The following CLIC5 variants were observed in gnomAD, a reference collection of about 807,000 sequenced individuals.
CLIC5 encodes the protein CLIC family member 5, also known as chloride intracellular channel protein 5.
CLIC5 carries 20 observed loss-of-function variants against 24.7 expected under a neutral mutation model. That is an observed-to-expected ratio of 0.81 (90% confidence interval 0.57 to 1.18). The LOEUF is 1.18. Among genes scored for constraint, CLIC5 ranks in the 50% most tolerant of loss-of-function variants. The pLI is 0.00. For synonymous variants in CLIC5, 159 were observed against 135.6 expected (o/e 1.17, Z -1.20); for missense variants, 341 against 326.1 (o/e 1.05, Z -0.35).
intron 1 of CLIC5, among the ~76,000 whole-genome samples, chr6:46,070,526 A>G (rs1173109814): frequency 6.6e-6 from 1 of 152,080 alleles, no homozygotes; most frequent in East Asian, 1.9e-4. Context: ...ACAGGTGAAA[A>G]ATCTTTACAA....
At chr6:45,963,307 G>A (rs990635999) in intron 1 of CLIC5, among the ~76,000 whole-genome samples, 8 of 152,186 alleles carry the variant, frequency 5.3e-5, no homozygotes, top group African/African-American at 1.4e-4. Flanking sequence ...TAGGTGGGAG[G>A]AGCCAGCTTA....
chr6:45,941,461 T>G, intron 4 of CLIC5, 86 bp downstream of exon 4: 1 of 1,033,476 alleles, frequency 9.7e-7, no homozygotes, highest in Non-Finnish European at 1.5e-6. Flanking sequence ...GGCCCAAGTA[T>G]TTGACATGCC....
At chr6:45,986,632 G>T (rs115177146) in intron 1 of CLIC5, among the ~76,000 whole-genome samples, 2 of 152,124 alleles carry the variant, frequency 1.3e-5, no homozygotes, top group Non-Finnish European at 2.9e-5. Flanking sequence ...ACATGATTTA[G>T]TTGACATAAC....
At chr6:46,050,472 C>T (rs1265596137) in intron 1 of CLIC5, among the ~76,000 whole-genome samples, 1 of 152,218 alleles carries the variant, frequency 6.6e-6, no homozygotes, top group Non-Finnish European at 1.5e-5. Context: ...ATTATTACTG[C>T]TACTAATGGG....
intron 5 of CLIC5, chr6:45,912,550 A>C: frequency 7.2e-7 from 1 of 1,392,616 alleles, no homozygotes; most frequent in Non-Finnish European, 9.4e-7. Context: ...GAAGGAATAC[A>C]ATCCACTTCT....
At chr6:45,993,885 A>G (rs1431943167) in intron 1 of CLIC5, among the ~76,000 whole-genome samples, 2 of 152,208 alleles carry the variant, frequency 1.3e-5, no homozygotes, top group Non-Finnish European at 2.9e-5. Context: ...CTCTGTTAAA[A>G]TACATCCGTT....
chr6:46,090,114 A>G, the CLIC5 span, among the ~76,000 whole-genome samples: 1 of 152,266 alleles, frequency 6.6e-6, no homozygotes, highest in Non-Finnish European at 1.5e-5. Flanking sequence ...CTCTATAAAA[A>G]AGTAGGTCTG....
chr6:46,061,719 G>C (rs1432505074), intron 1 of CLIC5, among the ~76,000 whole-genome samples: 1 of 152,190 alleles, frequency 6.6e-6, no homozygotes, highest in Non-Finnish European at 1.5e-5. Context: ...AGGGCTGTTT[G>C]CTTTGCCTAA....
intron 4 of CLIC5, among the ~76,000 whole-genome samples, chr6:45,936,049 CCTCT>C (rs1278685883): frequency 6.6e-6 from 1 of 152,104 alleles, no homozygotes; most frequent in Non-Finnish European, 1.5e-5. Context: ...GACTCCTCTC[CCTCT>C]GTCATCCCAT....
chr6:45,952,423 C>T (rs780339561), intron 2 of CLIC5, among the ~76,000 whole-genome samples: 3 of 152,192 alleles, frequency 2.0e-5, no homozygotes, highest in Non-Finnish European at 4.4e-5. Flanking sequence ...GCAACGAGTT[C>T]TTGCTATGAG....
chr6:46,035,671 A>G (rs1162595932), intron 1 of CLIC5, among the ~76,000 whole-genome samples: 6 of 152,212 alleles, frequency 3.9e-5, no homozygotes, highest in African/African-American at 1.4e-4. Context: ...ACTCTAAAGG[A>G]CAATAGTTTG....
chr6:45,939,056 C>T (rs1269459252), intron 4 of CLIC5, among the ~76,000 whole-genome samples: 1 of 152,082 alleles, frequency 6.6e-6, no homozygotes, highest in Non-Finnish European at 1.5e-5. Context: ...GAGACTTTTC[C>T]CCTTACAGTT....
the CLIC5 span, among the ~76,000 whole-genome samples, chr6:46,096,246 G>A: frequency 6.6e-6 from 1 of 152,120 alleles, no homozygotes; most frequent in Non-Finnish European, 1.5e-5. Context: ...CCTCCCACCA[G>A]CCCTCACCCC....
the CLIC5 span, among the ~76,000 whole-genome samples, chr6:46,119,788 C>A: frequency 6.6e-6 from 1 of 152,240 alleles, no homozygotes; most frequent in African/African-American, 2.4e-5. Flanking sequence ...GAGATTATAT[C>A]CTGCACCTGG....
At chr6:46,036,523 A>G (rs1304079631) in intron 1 of CLIC5, among the ~76,000 whole-genome samples, 1 of 151,104 alleles carries the variant, frequency 6.6e-6, no homozygotes, top group Non-Finnish European at 1.5e-5. Context: ...TGTTAGCCAG[A>G]ATGGTCTCCT....
rs568741189 is a variant in CLIC5, at chr6:46,074,136, A to G, written c.540+5567T>C. ...TCAATATAAAACATTTACCCACAAT[A>G]TATGTATATTTACTCACTTACAAAT... is the stretch of plus-strand genomic sequence containing the variant. On this transcript the variant is annotated intron_variant, in intron 1 of 5. Transcript: ENST00000185206. Among the ~76,000 whole-genome samples the G allele has an allele frequency of 2.0e-5, 3 of 152,336 alleles. No homozygotes were observed. The South Asian group carries it at 6.2e-4, about 32-fold the overall frequency.
intron 1 of CLIC5, among the ~76,000 whole-genome samples, chr6:45,983,801 C>A (rs1765642824): frequency 6.6e-6 from 1 of 152,182 alleles, no homozygotes; most frequent in South Asian, 2.1e-4. Context: ...TCAGATAAGT[C>A]TTTTATACCC....
chr6:46,077,121 T>G (rs1762792075), intron 1 of CLIC5, among the ~76,000 whole-genome samples: 1 of 150,850 alleles, frequency 6.6e-6, no homozygotes, highest in Non-Finnish European at 1.5e-5. Context: ...GAGACGAGAC[T>G]TTTTTTTTCT....
At chr6:46,037,352 T>C (rs910704540) in intron 1 of CLIC5, among the ~76,000 whole-genome samples, 2 of 152,164 alleles carry the variant, frequency 1.3e-5, no homozygotes, top group Non-Finnish European at 2.9e-5. Context: ...TGGAAAGGGC[T>C]GAGAGAGGGG....
Sources: gnomAD v4.1 joint callset for allele counts (sites outside exome capture counted in the v4.1 genomes callset) on GRCh38, gnomAD v4.1.1 for gene constraint, MANE v1.5 for transcripts, NCBI Gene and HGNC (gene_info 2026-07-23, HGNC 2026-07-21) for gene names.